GNPTAB: variants seen among roughly 807,000 people sequenced by gnomAD.
GNPTAB encodes N-acetylglucosamine-1-phosphotransferase subunits alpha/beta.
Under a neutral mutation model 136.6 loss-of-function variants are expected in GNPTAB, and 92 were observed. The ratio of observed to expected loss-of-function variants is 0.67; its 90% confidence interval spans 0.57 to 0.80. The LOEUF is 0.80. Among genes scored for constraint, GNPTAB ranks in the 30% least tolerant of loss-of-function variants. GNPTAB has a pLI of 0.00. For missense variants in GNPTAB, 1,343 were observed against 1,501.8 expected (o/e 0.89, Z 1.75); for synonymous variants, 512 against 535.1 (o/e 0.96, Z 0.60).
At chr12:101,809,376 A>G (rs758568411) in intron 1 of GNPTAB, among the ~76,000 whole-genome samples, 25 of 152,244 alleles carry the variant, frequency 1.6e-4, no homozygotes, top group Non-Finnish European at 1.6e-4. Context: ...ACAGTTTGTC[A>G]GTGTCTCACA....
intron 1 of GNPTAB, chr12:101,810,457 A>G (rs1482036413): frequency 6.8e-6 from 1 of 146,796 alleles, no homozygotes; most frequent in African/African-American, 2.6e-5. Flanking sequence ...ACACACACAC[A>G]CACACACACA....
Position 101,771,045 on chromosome 12 carries a change from A to G in GNPTAB, c.884T>C (p.Leu295Pro). The stretch of plus-strand genomic sequence containing the variant: ...TAATAAATATGCAGGACTTATGGTC[A>G]GTTCTTTTCCATCAATGGTCATGTT... ...KKNMTIDGKE[L>P]TISPAYLLWD... The change falls in exon 8 of 21, where the codon CTG becomes CCG. Residue 295 changes from leucine to proline, a missense_variant. Leu to Pro is a moderately conservative substitution (Grantham distance 98, BLOSUM62 -3). Coordinates refer to ENST00000299314, the MANE Select transcript of GNPTAB (RefSeq NM_024312.5). 9 of 1,614,126 alleles carry G rather than the reference A, an allele frequency of 5.6e-6. No homozygotes were observed. Among genetic ancestry groups the G allele is most frequent in the Non-Finnish European group, 5.1e-6 (6 of 1,179,950 alleles).
intron 7 of GNPTAB, chr12:101,778,987 A>T (rs949585881): frequency 6.6e-6 from 1 of 151,778 alleles, no homozygotes; most frequent in African/African-American, 2.4e-5. Context: ...TATTACAAGG[A>T]TAATACAATG....
At chr12:101,761,437 T>G in intron 14 of GNPTAB, 91 bp from the exon 15 acceptor site, 1 of 1,432,116 alleles carries the variant, frequency 7.0e-7, no homozygotes, top group South Asian at 1.1e-5. Context: ...CTTTCTCACT[T>G]AGATAATACC....
At chr12:101,812,548 G>C (rs896944776) in intron 1 of GNPTAB, among the ~76,000 whole-genome samples, 1 of 152,070 alleles carries the variant, frequency 6.6e-6, no homozygotes, top group Non-Finnish European at 1.5e-5. Flanking sequence ...TTGAGTCCAC[G>C]AGTTCAAGAC....
intron 2 of GNPTAB, among the ~76,000 whole-genome samples, chr12:101,791,010 G>A (rs1868957079): frequency 6.6e-6 from 1 of 151,936 alleles, no homozygotes; most frequent in Non-Finnish European, 1.5e-5. Flanking sequence ...TTCATGCTTT[G>A]TTCTCTAAAG....
At chr12:101,803,012 T>C (rs1355058957) in intron 1 of GNPTAB, among the ~76,000 whole-genome samples, 4 of 152,002 alleles carry the variant, frequency 2.6e-5, no homozygotes, top group Non-Finnish European at 4.4e-5. Context: ...AGATGGAATC[T>C]CTCATCAACT....
At position 101,830,614 on chromosome 12, in the gene GNPTAB, T is replaced by A. The variant is rs747745281; in HGVS notation, c.62A>T (p.Tyr21Phe). 1 of 1,613,018 alleles carries A rather than the reference T, an allele frequency of 6.2e-7. No individual in the cohort carries two copies. Among genetic ancestry groups the A allele is most frequent in the African/African-American group, 1.3e-5 (1 of 74,960 alleles). Residue 21 changes from tyrosine to phenylalanine, a missense_variant, in exon 1 of 21, where the codon TAC becomes TTC. By Grantham distance (22) the Tyr-to-Phe change is conservative. Coordinates refer to ENST00000299314, the MANE Select transcript of GNPTAB (RefSeq NM_024312.5). Reference protein sequence around the residue: ...YTCLSHRYGLYVCFLGVVVTI... With the variant: ...YTCLSHRYGLFVCFLGVVVTI... Reference sequence around the variant, plus strand: ...GACAACGACGCCCAAGAAGCACACGTAGAGCCCATACCTGTGGGACAGGCA... The same window carrying A: ...GACAACGACGCCCAAGAAGCACACGAAGAGCCCATACCTGTGGGACAGGCA...
At chr12:101,830,025 A>G (rs1276264150) in intron 1 of GNPTAB, among the ~76,000 whole-genome samples, 3 of 150,928 alleles carry the variant, frequency 2.0e-5, no homozygotes, top group African/African-American at 7.3e-5. Flanking sequence ...AAAAAAAAGA[A>G]AAAGAAAAAA....
intron 1 of GNPTAB, among the ~76,000 whole-genome samples, chr12:101,798,795 T>G (rs971000748): frequency 1.3e-5 from 2 of 152,200 alleles, no homozygotes; most frequent in Non-Finnish European, 2.9e-5. Context: ...GTAAACTGCA[T>G]GTTGCGGTAA....
chr12:101,810,528 A>G (rs1406552032), intron 1 of GNPTAB: 1 of 151,270 alleles, frequency 6.6e-6, no homozygotes, highest in African/African-American at 2.4e-5. Context: ...ACTGCTCACC[A>G]TGGGTGACCT....
In GNPTAB at chr12:101,765,180, G is replaced by A. The variant is rs1224654640; in HGVS notation, c.1737C>T (p.Ala579=). The A allele has an allele frequency of 6.2e-7, 1 of 1,613,984 alleles. No homozygotes were observed. Among genetic ancestry groups the A allele is most frequent in the Non-Finnish European group, 8.5e-7 (1 of 1,180,012 alleles). ...GTCGAATTATTGGATTGTCACTATA[G>A]GCACCTTCAACTCCTCTTTTGGCTA... ...AEVAKRGVEG[A]YSDNPIIRHA... is the part of the protein sequence containing the mutation. The change falls in exon 13 of 21, where the codon GCC becomes GCT. Residue 579 remains alanine, a synonymous_variant. Coordinates refer to ENST00000299314, the MANE Select transcript of GNPTAB (RefSeq NM_024312.5).
At chr12:101,780,927 G>A (rs899831034) in intron 5 of GNPTAB, among the ~76,000 whole-genome samples, 1 of 152,194 alleles carries the variant, frequency 6.6e-6, no homozygotes, top group Non-Finnish European at 1.5e-5. Context: ...AATCACAGAT[G>A]TATATGCAAA....
intron 1 of GNPTAB, among the ~76,000 whole-genome samples, chr12:101,829,012 A>T (rs867266901): frequency 1.6e-4 from 24 of 152,168 alleles, no homozygotes; most frequent in African/African-American, 5.6e-4. Flanking sequence ...TATGCCTTAC[A>T]AGTTAACCAC....
At chr12:101,805,412 G>A (rs193049509) in intron 1 of GNPTAB, among the ~76,000 whole-genome samples, 5 of 152,302 alleles carry the variant, frequency 3.3e-5, no homozygotes, top group Admixed American at 3.3e-4. Flanking sequence ...TTTTGAGACA[G>A]GGTCTTGCTT....
In GNPTAB at chr12:101,764,963, A is replaced by T; in HGVS notation, c.1954T>A (p.Leu652Ile). 2 of 1,614,038 alleles carry T rather than the reference A, an allele frequency of 1.2e-6. No homozygotes were observed. Among genetic ancestry groups the T allele is most frequent in the Non-Finnish European group, 1.7e-6 (2 of 1,179,982 alleles). ...NSTAQKGYEN[L>I]VSPITLLPEA... ...GGAAGAAGTGTTATGGGACTAACTA[A>T]ATTTTCGTAACCCTTCTGGGCTGTA... The change falls in exon 13 of 21, where the codon TTA (leucine) becomes ATA (isoleucine). Residue 652 changes from leucine to isoleucine, a missense_variant. Leu to Ile is a conservative substitution (Grantham distance 5). Coordinates refer to ENST00000299314, the MANE Select transcript of GNPTAB (RefSeq NM_024312.5).
At chr12:101,823,449 A>C (rs1419039237) in intron 1 of GNPTAB, among the ~76,000 whole-genome samples, 1 of 152,098 alleles carries the variant, frequency 6.6e-6, no homozygotes, top group Non-Finnish European at 1.5e-5. Context: ...GTCTCTACTA[A>C]AAATACAAAA....
At chr12:101,812,210 T>C (rs576505208) in intron 1 of GNPTAB, among the ~76,000 whole-genome samples, 25 of 152,190 alleles carry the variant, frequency 1.6e-4, no homozygotes, top group East Asian at 5.8e-4. Context: ...CATTACACCA[T>C]TGCCCTCTGG....
intron 1 of GNPTAB, among the ~76,000 whole-genome samples, chr12:101,815,606 T>C (rs75528983): frequency 0.012 from 1,497 of 129,514 alleles, 29 homozygotes; most frequent in African/African-American, 0.044. Flanking sequence ...CTGGACAACA[T>C]AGCAAGACCC....
Sources: gnomAD v4.1 joint callset for allele counts (sites outside exome capture counted in the v4.1 genomes callset) on GRCh38, gnomAD v4.1.1 for gene constraint, MANE v1.5 for transcripts, NCBI Gene and HGNC (gene_info 2026-07-23, HGNC 2026-07-21) for gene names.